PKIG: variants seen among roughly 807,000 people sequenced by gnomAD.
The protein encoded by PKIG is protein kinase (cAMP-dependent, catalytic) inhibitor gamma.
PKIG carries 1 observed loss-of-function variant against 6.8 expected under a neutral mutation model. The ratio of observed to expected loss-of-function variants is 0.15; its 90% confidence interval spans 0.05 to 0.69. The LOEUF is 0.69. PKIG is among the 30% of genes least tolerant of loss of function. The pLI is 0.82. For missense variants in PKIG, 77 were observed against 104.0 expected, an observed-to-expected ratio of 0.74 and a Z score of 1.13; for synonymous variants, 39 against 43.0, an observed-to-expected ratio of 0.91 and a Z score of 0.36.
intron 2 of PKIG, among the ~76,000 whole-genome samples, chr20:44,610,410 G>A (rs1176543380): frequency 6.6e-6 from 1 of 151,936 alleles, no homozygotes; most frequent in South Asian, 2.1e-4. Context: ...TAGGTGTTGT[G>A]GGGGGATGTG....
chr20:44,596,588 G>T (rs1341333457), intron 2 of PKIG, among the ~76,000 whole-genome samples: 1 of 152,230 alleles, frequency 6.6e-6, no homozygotes, highest in Non-Finnish European at 1.5e-5. Context: ...AAGGGAGGCT[G>T]TTGTTCAACC....
At position 44,618,391 on chromosome 20, in the gene PKIG, C is replaced by T. The variant is rs533403714; in HGVS notation, c.*27C>T. ...TCTGACCTTGTCCAAGAAGGCTGGACGAGAGACCTTCTGTCCCCTCCCAGA... is the reference window on the plus strand; with the variant it reads ...TCTGACCTTGTCCAAGAAGGCTGGATGAGAGACCTTCTGTCCCCTCCCAGA... On this transcript the variant is annotated 3_prime_UTR_variant, in exon 4 of 4. Coordinates refer to ENST00000372886, the MANE Select transcript of PKIG (RefSeq NM_001281445.2). 9.4e-6 allele frequency: 14 copies of T among 1,491,496 alleles called. No homozygotes were observed. Among genetic ancestry groups the T allele is most frequent in the African/African-American group, 8.3e-5 (6 of 72,614 alleles). 92.4% of individuals were successfully genotyped at this position (1,491,496 alleles called of 1,614,324 possible). A position where few individuals can be genotyped will look rare whatever the true frequency, so the allele number is the denominator to read the frequency against.
At chr20:44,570,502 GACTGCCACTT>G (rs1425050488) in intron 1 of PKIG, among the ~76,000 whole-genome samples, 1 of 152,154 alleles carries the variant, frequency 6.6e-6, no homozygotes, top group African/African-American at 2.4e-5. Flanking sequence ...TTTAGATTCT[GACTGCCACTT>G]ACTGGCCACT....
chr20:44,564,931 A>C (rs2064797826), intron 1 of PKIG, among the ~76,000 whole-genome samples: 1 of 152,258 alleles, frequency 6.6e-6, no homozygotes, highest in South Asian at 2.1e-4. Context: ...GGCTTAGTCT[A>C]AGATAAGTCC....
chr20:44,617,037 C>T (rs1225163762), intron 3 of PKIG, among the ~76,000 whole-genome samples: 2 of 152,218 alleles, frequency 1.3e-5, no homozygotes, highest in African/African-American at 4.8e-5. Flanking sequence ...CAGGGCTCTC[C>T]ACCCTTGATC....
intron 1 of PKIG, among the ~76,000 whole-genome samples, chr20:44,535,648 A>C (rs545451195): frequency 2.0e-5 from 3 of 152,320 alleles, no homozygotes; most frequent in Non-Finnish European, 2.9e-5. Context: ...TCTCAAAAAA[A>C]AGGACAGTTA....
At chr20:44,575,203 C>G (rs2064886302) in intron 1 of PKIG, among the ~76,000 whole-genome samples, 1 of 152,178 alleles carries the variant, frequency 6.6e-6, no homozygotes, top group Non-Finnish European at 1.5e-5. Flanking sequence ...CAGGCATGCG[C>G]CACCATGCCT....
At chr20:44,585,781 T>C (rs2064985026) in intron 1 of PKIG, among the ~76,000 whole-genome samples, 1 of 152,240 alleles carries the variant, frequency 6.6e-6, no homozygotes, top group Non-Finnish European at 1.5e-5. Flanking sequence ...CATTCCCCTG[T>C]GCCCTCTAGT....
At chr20:44,615,301 C>A (rs923729026) in intron 3 of PKIG, among the ~76,000 whole-genome samples, 1 of 152,228 alleles carries the variant, frequency 6.6e-6, no homozygotes, top group Non-Finnish European at 1.5e-5. Flanking sequence ...CTCAGTCAAG[C>A]CTCTCCAAGG....
chr20:44,537,221 C>T (rs2064520704), intron 1 of PKIG, among the ~76,000 whole-genome samples: 1 of 152,234 alleles, frequency 6.6e-6, no homozygotes, highest in Non-Finnish European at 1.5e-5. Flanking sequence ...TCTCATGCCT[C>T]AGCCTCCTGA....
Position 44,542,844 on chromosome 20 carries a change from C to T in PKIG, c.-241+10866C>T, listed in dbSNP as rs181720393. 1.1e-4 allele frequency among the ~76,000 whole-genome samples: 16 copies of T among 152,334 alleles called. No individual in the cohort carries two copies. The East Asian group carries it at 2.5e-3, about 24-fold the overall frequency. On this transcript the variant is annotated intron_variant, in intron 1 of 4. Coordinates refer to the PKIG transcript ENST00000372887. ...CTGACCTCAAGTGATAGGCCCACCTCACCCTCCCAAAGTGCTGGGATTACA... is the reference window on the plus strand; with the variant it reads ...CTGACCTCAAGTGATAGGCCCACCTTACCCTCCCAAAGTGCTGGGATTACA...
At chr20:44,585,949 G>A (rs1298126802) in intron 1 of PKIG, among the ~76,000 whole-genome samples, 1 of 152,196 alleles carries the variant, frequency 6.6e-6, no homozygotes, top group Non-Finnish European at 1.5e-5. Flanking sequence ...GAAAGGAATA[G>A]CAGGTAAGAG....
At position 44,618,514 on chromosome 20, in the gene PKIG, C is replaced by T; in HGVS notation, c.*150C>T. On this transcript the variant is annotated 3_prime_UTR_variant, in exon 4 of 4. Coordinates refer to ENST00000372886, the MANE Select transcript of PKIG (RefSeq NM_001281445.2). Reference sequence around the variant, plus strand: ...GAAGGCTCCCCAGAGGCCTCTGTGGCCTCCACTCCGGGAAAGCCCTCTGCC... The same window carrying T: ...GAAGGCTCCCCAGAGGCCTCTGTGGTCTCCACTCCGGGAAAGCCCTCTGCC... 1.6e-6 allele frequency: 1 copy of T among 622,282 alleles called. No homozygotes were observed. 38.5% of individuals were successfully genotyped at this position (622,282 alleles called of 1,614,324 possible).
intron 2 of PKIG, among the ~76,000 whole-genome samples, chr20:44,610,382 T>C (rs1332312116): frequency 1.3e-5 from 2 of 152,166 alleles, no homozygotes; most frequent in African/African-American, 4.8e-5. Flanking sequence ...ATTCATTCTT[T>C]AGGTGTTTCT....
intron 1 of PKIG, among the ~76,000 whole-genome samples, chr20:44,567,430 C>T (rs772878367): frequency 2.6e-5 from 4 of 152,232 alleles, no homozygotes; most frequent in Non-Finnish European, 5.9e-5. Context: ...TCATTTTCAT[C>T]TCGCTGTTCT....
rs1555841182 is a variant in PKIG at position 44,610,500 on chromosome 20, T to TCTCACACACACACACA, written c.-23-4033_-23-4032insTCACACACACACACAC. The stretch of plus-strand genomic sequence containing the variant: ...TCTCTCTCTCTTCTCTCTCTCTCTC[T>TCTCACACACACACACA]CACACACACACACACACACACACAC... On this transcript the variant is annotated intron_variant, in intron 2 of 3. Transcript: ENST00000372886. 5.7e-3 allele frequency among the ~76,000 whole-genome samples: 769 copies of TCTCACACACACACACA among 135,228 alleles called. 6 individuals carry two copies. Among genetic ancestry groups the TCTCACACACACACACA allele is most frequent in the African/African-American group, 0.017 (560 of 32,936 alleles). 88.7% of individuals were successfully genotyped at this position (135,228 alleles called of 152,430 possible).
upstream of PKIG, among the ~76,000 whole-genome samples, chr20:44,581,272 A>C (rs772894137): frequency 6.6e-6 from 1 of 152,246 alleles, no homozygotes; most frequent in Non-Finnish European, 1.5e-5. Flanking sequence ...TGAGAATCAA[A>C]TGAGATTATG....
chr20:44,576,852 A>G (rs1239743069), intron 1 of PKIG, among the ~76,000 whole-genome samples: 2 of 152,128 alleles, frequency 1.3e-5, no homozygotes, highest in Non-Finnish European at 2.9e-5. Flanking sequence ...CTGCGAACCT[A>G]TCCAGTTTCT....
chr20:44,567,293 C>T (rs868065539), intron 1 of PKIG, among the ~76,000 whole-genome samples: 7 of 152,296 alleles, frequency 4.6e-5, no homozygotes, highest in African/African-American at 7.2e-5. Context: ...TACCAGATAT[C>T]CTGCAAGGTC....
Sources: allele counts gnomAD v4.1 joint callset (sites outside exome capture counted in the v4.1 genomes callset), GRCh38; gene constraint gnomAD v4.1.1; transcripts MANE v1.5; gene names NCBI Gene and HGNC (gene_info 2026-07-23, HGNC 2026-07-21).